TSNARE1: variants seen among roughly 807,000 people sequenced by gnomAD.
TSNARE1 encodes t-SNARE domain-containing protein 1.
Under a neutral mutation model 62.0 loss-of-function variants are expected in TSNARE1, and 49 were observed. That is an observed-to-expected ratio of 0.79 (90% confidence interval 0.63 to 1.00). The LOEUF is 1.00. TSNARE1 is among the 50% of genes least tolerant of loss of function. The pLI, the probability that TSNARE1 is intolerant of heterozygous loss-of-function variation, is 0.00. For missense variants in TSNARE1, 755 were observed against 700.1 expected, an observed-to-expected ratio of 1.08 and a Z score of -0.88; for synonymous variants, 328 against 294.4, an observed-to-expected ratio of 1.11 and a Z score of -1.17.
At chr8:142,394,616 G>A (rs1023469351) in intron 1 of TSNARE1, among the ~76,000 whole-genome samples, 1 of 152,154 alleles carries the variant, frequency 6.6e-6, no homozygotes, top group Admixed American at 6.5e-5. Context: ...CAGACCCCAC[G>A]GGATTCCTCC....
chr8:142,362,110 G>A (rs1165954300), intron 1 of TSNARE1, among the ~76,000 whole-genome samples: 4 of 152,224 alleles, frequency 2.6e-5, no homozygotes, highest in African/African-American at 9.7e-5. Flanking sequence ...CCTCTGCCGG[G>A]TGCGCAGCTT....
At chr8:142,339,857 T>C (rs1257913636) in intron 4 of TSNARE1, among the ~76,000 whole-genome samples, 1 of 152,238 alleles carries the variant, frequency 6.6e-6, no homozygotes, top group Non-Finnish European at 1.5e-5. Context: ...CCTCCTCCTC[T>C]GCAACCAGCC....
intron 1 of TSNARE1, among the ~76,000 whole-genome samples, chr8:142,376,119 G>A (rs1258883461): frequency 6.6e-6 from 1 of 152,232 alleles, no homozygotes; most frequent in Admixed American, 6.5e-5. Context: ...GCAACCTTCA[G>A]AGAATCGCTC....
intron 4 of TSNARE1, among the ~76,000 whole-genome samples, chr8:142,336,731 G>GC (rs1446875352): frequency 1.3e-5 from 2 of 152,122 alleles, no homozygotes; most frequent in African/African-American, 4.8e-5. Context: ...CCTGCCAAAC[G>GC]CACGTGGAAC....
At chr8:142,293,163 G>C (rs556948744) in intron 10 of TSNARE1, among the ~76,000 whole-genome samples, 2 of 152,196 alleles carry the variant, frequency 1.3e-5, no homozygotes. Flanking sequence ...ATCTGCTGCC[G>C]TTCTCAGTGG....
chr8:142,388,730 G>C (rs184074161), intron 1 of TSNARE1, among the ~76,000 whole-genome samples: 3 of 151,768 alleles, frequency 2.0e-5, no homozygotes, highest in African/African-American at 7.3e-5. Flanking sequence ...GCTAGTTTTT[G>C]TATTTTTAGT....
intron 11 of TSNARE1, chr8:142,277,378 G>A (rs980816613): frequency 1.0e-6 from 1 of 985,240 alleles, no homozygotes; most frequent in African/African-American, 1.7e-5. Flanking sequence ...AGGGCACAGG[G>A]ACCCCTGTGG....
rs1820176334 is a variant in TSNARE1, at chr8:142,274,806, A to AGCTG, written c.1417_1420dup (p.Leu474ProfsTer114). The AGCTG allele has an allele frequency of 6.3e-7, 1 of 1,578,874 alleles. No homozygotes were observed. The highest frequency in any genetic ancestry group is 1.4e-5 in the African/African-American group (1 of 73,570). ...TTGGTGCCGGCTGGCTCCAGCCAGG[A>AGCTG]GCTGGCGGGCTGCCTCCGCATGCGA... On this transcript the variant is annotated frameshift_variant, in exon 12 of 14. Coordinates refer to ENST00000524325, the MANE Select transcript of TSNARE1 (RefSeq NM_145003.5). LOFTEE classifies it high-confidence loss of function.
chr8:142,347,424 G>A (rs1833518734), intron 2 of TSNARE1, among the ~76,000 whole-genome samples: 1 of 152,164 alleles, frequency 6.6e-6, no homozygotes, highest in Non-Finnish European at 1.5e-5. Context: ...CCCCTCCCAA[G>A]AGGGCAGGGC....
intron 6 of TSNARE1, among the ~76,000 whole-genome samples, chr8:142,320,258 T>C (rs1829280168): frequency 6.6e-6 from 1 of 152,186 alleles, no homozygotes; most frequent in Non-Finnish European, 1.5e-5. Flanking sequence ...CCACATCTCA[T>C]TCCGGTCAAA....
intron 2 of TSNARE1, among the ~76,000 whole-genome samples, chr8:142,346,738 C>T (rs992635217): frequency 6.6e-6 from 1 of 152,228 alleles, no homozygotes; most frequent in African/African-American, 2.4e-5. Flanking sequence ...AGGGCCAGGT[C>T]GGCACAGTGG....
intron 4 of TSNARE1, among the ~76,000 whole-genome samples, chr8:142,336,282 C>CAAAAAA (rs749299318): frequency 4.0e-5 from 1 of 25,142 alleles, no homozygotes; most frequent in Non-Finnish European, 7.8e-5. Flanking sequence ...GACCCTGTCT[C>CAAAAAA]AAAAAAAAAA....
chr8:142,288,768 G>C (rs1344695363), intron 10 of TSNARE1, among the ~76,000 whole-genome samples: 1 of 152,250 alleles, frequency 6.6e-6, no homozygotes, highest in Non-Finnish European at 1.5e-5. Flanking sequence ...CAGGAGCAGT[G>C]ATAACTGCCC....
chr8:142,241,819 G>A (rs895697844), intron 12 of TSNARE1, among the ~76,000 whole-genome samples: 20 of 150,178 alleles, frequency 1.3e-4, no homozygotes, highest in African/African-American at 4.4e-4. Flanking sequence ...GAGTAAAAAC[G>A]GATCTCCATC....
chr8:142,225,813 C>T (rs1160344845), intron 13 of TSNARE1, among the ~76,000 whole-genome samples: 1 of 152,216 alleles, frequency 6.6e-6, no homozygotes, highest in Non-Finnish European at 1.5e-5. Context: ...CGTATGCGGG[C>T]GGTGCTCTAA....
At chr8:142,331,722 G>C (rs778211015) in intron 5 of TSNARE1, 32 bp downstream of exon 5, 2 of 1,565,548 alleles carry the variant, frequency 1.3e-6, no homozygotes, top group Non-Finnish European at 1.7e-6. Context: ...TGCCTGGATG[G>C]AGGGGCAGGC....
chr8:142,328,768 G>A (rs372532395), intron 6 of TSNARE1, among the ~76,000 whole-genome samples: 43 of 148,568 alleles, frequency 2.9e-4, no homozygotes, highest in Middle Eastern at 3.5e-3. Context: ...CCATGGGATC[G>A]CAACGTGGCC....
At chr8:142,299,700 ACACGCACTCACG>A (rs1188911666) in intron 10 of TSNARE1, among the ~76,000 whole-genome samples, 8 of 152,030 alleles carry the variant, frequency 5.3e-5, no homozygotes, top group Non-Finnish European at 7.4e-5. Flanking sequence ...GCATGCACAC[ACACGCACTCACG>A]CACGCACTCA....
At chr8:142,341,302 G>A (rs768784552) in intron 4 of TSNARE1, among the ~76,000 whole-genome samples, 54 of 152,248 alleles carry the variant, frequency 3.5e-4, no homozygotes, top group South Asian at 1.2e-3. Context: ...AGTCTTCTTC[G>A]GAGTAACAAT....
Sources: gnomAD v4.1 joint callset for allele counts (sites outside exome capture counted in the v4.1 genomes callset) on GRCh38, gnomAD v4.1.1 for gene constraint, MANE v1.5 for transcripts, NCBI Gene and HGNC (gene_info 2026-07-23, HGNC 2026-07-21) for gene names.